PSD3: variants seen among roughly 807,000 people sequenced by gnomAD.
PSD3 encodes the protein PH and SEC7 domain-containing protein 3.
PSD3 carries 49 observed loss-of-function variants against 105.5 expected under a neutral mutation model. That is an observed-to-expected ratio of 0.46 (90% confidence interval 0.37 to 0.59). The LOEUF is 0.59. PSD3 is among the 20% of genes least tolerant of loss of function. The pLI is 0.00. For missense variants in PSD3, 1,561 were observed against 1,263.8 expected (o/e 1.24, Z -3.57); for synonymous variants, 557 against 457.8 (o/e 1.22, Z -2.77).
At chr8:18,643,042 G>A (rs1807768037) in intron 10 of PSD3, among the ~76,000 whole-genome samples, 1 of 152,166 alleles carries the variant, frequency 6.6e-6, no homozygotes. Flanking sequence ...TCCATTTTGT[G>A]TTGCTAAAAC....
chr8:19,044,740 T>C (rs979020490), intron 1 of PSD3, among the ~76,000 whole-genome samples: 3 of 152,178 alleles, frequency 2.0e-5, no homozygotes, highest in African/African-American at 7.2e-5. Context: ...GGAAGTGCTA[T>C]GAGAACTTTG....
intron 9 of PSD3, among the ~76,000 whole-genome samples, chr8:18,710,965 G>A (rs531591709): frequency 6.6e-6 from 1 of 152,164 alleles, no homozygotes; most frequent in Admixed American, 6.5e-5. Flanking sequence ...TTACAGGCAT[G>A]AGCCACTGCG....
chr8:18,989,004 G>A (rs139503065), intron 1 of PSD3, among the ~76,000 whole-genome samples: 4 of 152,190 alleles, frequency 2.6e-5, no homozygotes, highest in East Asian at 3.9e-4. Flanking sequence ...CTGCATGGTC[G>A]GGACTCCAGG....
Position 18,535,952 on chromosome 8 carries a change from G to A in PSD3, c.2935C>T (p.Arg979Cys). The A allele has an allele frequency of 1.2e-6, 2 of 1,613,828 alleles. No individual in the cohort carries two copies. The highest frequency in any genetic ancestry group is 8.5e-7 in the Non-Finnish European group (1 of 1,179,924). The change falls in exon 16 of 16, where the codon CGC becomes TGC. Residue 979 changes from arginine to cysteine, a missense_variant. By Grantham distance (180) the Arg-to-Cys change is radical (BLOSUM62 -3). Coordinates refer to ENST00000327040, the MANE Select transcript of PSD3 (RefSeq NM_015310.4). ...AGAATGCTGACATACATTTCATAGC[G>A]GGTTTTCTGAAGGCAAAGCCAGAGA... ...KDHYLEFEKT[R>C]YEMYVSILKE...
intron 11 of PSD3, among the ~76,000 whole-genome samples, chr8:18,605,236 G>C (rs371300541): frequency 6.6e-6 from 1 of 152,314 alleles, no homozygotes; most frequent in African/African-American, 2.4e-5. Flanking sequence ...CAGAGACAGA[G>C]CTGTCCAATG....
At chr8:18,909,581 G>C (rs895493445) in intron 2 of PSD3, among the ~76,000 whole-genome samples, 1 of 152,128 alleles carries the variant, frequency 6.6e-6, no homozygotes, top group African/African-American at 2.4e-5. Context: ...CTGGGCTCAA[G>C]CAATTCTCCT....
At chr8:19,028,202 T>G (rs540750508) in intron 1 of PSD3, among the ~76,000 whole-genome samples, 1 of 152,064 alleles carries the variant, frequency 6.6e-6, no homozygotes, top group South Asian at 2.1e-4. Flanking sequence ...GCATCCATCC[T>G]TTCATGTACT....
At chr8:19,071,837 G>A (rs565022318) in intron 1 of PSD3, among the ~76,000 whole-genome samples, 253 of 152,134 alleles carry the variant, frequency 1.7e-3, no homozygotes, top group African/African-American at 5.9e-3. Context: ...ACCCTCCCGA[G>A]TATCTGGGAT....
chr8:18,582,459 T>G (rs1656410697), intron 12 of PSD3, among the ~76,000 whole-genome samples: 1 of 152,092 alleles, frequency 6.6e-6, no homozygotes, highest in Admixed American at 6.6e-5. Context: ...TCCTTTCTCT[T>G]CCTCCTAGGG....
chr8:18,905,414 C>A (rs971505729), intron 2 of PSD3, among the ~76,000 whole-genome samples: 6 of 152,130 alleles, frequency 3.9e-5, no homozygotes, highest in African/African-American at 7.2e-5. Context: ...ACCTCCACCT[C>A]CCAGGTTCAA....
intron 2 of PSD3, among the ~76,000 whole-genome samples, chr8:18,918,829 G>T (rs1820799302): frequency 6.6e-6 from 1 of 152,072 alleles, no homozygotes; most frequent in South Asian, 2.1e-4. Context: ...GGAGGGCACT[G>T]TACCTGTACC....
intron 4 of PSD3, among the ~76,000 whole-genome samples, chr8:18,818,859 A>G (rs1201738195): frequency 6.6e-6 from 1 of 152,130 alleles, no homozygotes; most frequent in Non-Finnish European, 1.5e-5. Flanking sequence ...AAATTTAAAT[A>G]GGAATCCCCT....
intron 10 of PSD3, among the ~76,000 whole-genome samples, chr8:18,642,609 A>G (rs368957691): frequency 3.9e-4 from 59 of 152,302 alleles, no homozygotes; most frequent in African/African-American, 1.3e-3. Context: ...ATGCTTTAGG[A>G]CAAGTAGGCT....
intron 15 of PSD3, among the ~76,000 whole-genome samples, chr8:18,541,359 A>T (rs1800140023): frequency 6.6e-6 from 1 of 152,088 alleles, no homozygotes; most frequent in African/African-American, 2.4e-5. Context: ...ATATATTTTG[A>T]ACTCGTAATA....
intron 2 of PSD3, among the ~76,000 whole-genome samples, chr8:18,897,164 T>C (rs994460241): frequency 2.6e-5 from 4 of 152,202 alleles, no homozygotes; most frequent in Non-Finnish European, 5.9e-5. Flanking sequence ...TATCTCATTA[T>C]GGTTTTGATT....
intron 1 of PSD3, among the ~76,000 whole-genome samples, chr8:19,069,946 TTTC>T (rs1359274456): frequency 3.7e-5 from 3 of 82,096 alleles, no homozygotes; most frequent in African/African-American, 9.4e-5. Flanking sequence ...GCTTTTCTTT[TTTC>T]TTTTTTTTTT....
At chr8:18,608,873 G>T (rs1040649658) in intron 11 of PSD3, among the ~76,000 whole-genome samples, 3 of 152,092 alleles carry the variant, frequency 2.0e-5, no homozygotes, top group African/African-American at 7.2e-5. Context: ...AATGGATTGT[G>T]TTTAAGATTT....
In PSD3 at chr8:18,572,550, G is replaced by A; in HGVS notation, c.2762C>T (p.Ala921Val). The A allele has an allele frequency of 1.9e-6, 3 of 1,613,910 alleles. No individual in the cohort carries two copies. Among genetic ancestry groups the A allele is most frequent in the Non-Finnish European group, 2.5e-6 (3 of 1,179,828 alleles). ...QKKFSRPLLP[A>V]TTTKLSQEEQ... ...TACCTGAGACAGTTTTGTTGTAGTG[G>A]CAGGCAGAAGTGGGCGGCTAAACTT... Residue 921 changes from alanine to valine, a missense_variant, in exon 14 of 16, where the codon GCC becomes GTC. Ala to Val is a moderately conservative substitution (Grantham distance 64, BLOSUM62 0). Coordinates refer to ENST00000327040, the MANE Select transcript of PSD3 (RefSeq NM_015310.4).
chr8:18,839,647 T>C (rs1461646593), intron 4 of PSD3, among the ~76,000 whole-genome samples: 3 of 152,052 alleles, frequency 2.0e-5, no homozygotes, highest in Non-Finnish European at 2.9e-5. Flanking sequence ...CCTCAGAAGG[T>C]TTTGCAGCTC....
Sources: gnomAD v4.1 joint callset for allele counts (sites outside exome capture counted in the v4.1 genomes callset) on GRCh38, gnomAD v4.1.1 for gene constraint, MANE v1.5 for transcripts, NCBI Gene and HGNC (gene_info 2026-07-23, HGNC 2026-07-21) for gene names.